CHDH: variants seen among roughly 807,000 people sequenced by gnomAD.
The protein encoded by CHDH is choline dehydrogenase.
Under a neutral mutation model 56.9 loss-of-function variants are expected in CHDH, and 43 were observed. The ratio of observed to expected loss-of-function variants is 0.76; its 90% CI spans 0.59 to 0.97. The LOEUF (loss-of-function observed/expected upper bound fraction) is 0.97. Among genes scored for constraint, CHDH ranks in the 50% least tolerant of loss-of-function variants. The pLI is 0.00. For missense variants in CHDH, 816 were observed against 821.1 expected (o/e 0.99, Z 0.08); for synonymous variants, 364 against 348.5 (o/e 1.04, Z -0.50).
intron 2 of CHDH, among the ~76,000 whole-genome samples, chr3:53,837,724 C>T (rs908797768): frequency 8.5e-5 from 13 of 152,088 alleles, no homozygotes; most frequent in Admixed American, 6.6e-4. Context: ...TCACCACTTT[C>T]TAAAACCTTC....
In CHDH at chr3:53,817,789, G is replaced by A. The variant is rs1446504313; in HGVS notation, c.1773C>T (p.Ala591=). 7 of 1,603,124 alleles carry A rather than the reference G, an allele frequency of 4.4e-6. No homozygotes were observed. In the East Asian group the frequency reaches 1.3e-4, roughly 31 times the overall value. The change falls in exon 9 of 9, where the codon GCC becomes GCT. Residue 591 remains alanine, a synonymous_variant. Coordinates refer to ENST00000315251, the MANE Select transcript of CHDH (RefSeq NM_018397.5). ...AGCAGCAACTGTCTTAGCGCTGGGT[G>A]GCCAGCGTCCTGGGCTTGTAGACAG... ...DVPVYKPRTL[A]TQR
In CHDH at chr3:53,830,099, A is replaced by T. The variant is rs574691698; in HGVS notation, c.-59-6032T>A. Among the ~76,000 whole-genome samples, 8 of 152,338 alleles carry T rather than the reference A, an allele frequency of 5.3e-5. No individual in the cohort carries two copies. The East Asian group carries it at 1.5e-3, about 29-fold the overall frequency. On this transcript the variant is annotated intron_variant, in intron 2 of 8. Transcript: ENST00000315251. Reference sequence around the variant, plus strand: ...ACAGAAGTTAAAGATGACCTAAATAAATACTACGAATAGGAAGACCCAATA... The same window carrying T: ...ACAGAAGTTAAAGATGACCTAAATATATACTACGAATAGGAAGACCCAATA...
At chr3:53,820,795 G>A (rs1329935041) in intron 5 of CHDH, among the ~76,000 whole-genome samples, 187 bp from the exon 6 acceptor site, 2 of 152,236 alleles carry the variant, frequency 1.3e-5, no homozygotes, top group African/African-American at 4.8e-5. Context: ...GGCCAAGTCT[G>A]GCCTGCCTCG....
Position 53,823,703 on chromosome 3 carries a change from C to T in CHDH, c.306G>A (p.Arg102=), listed in dbSNP as rs1355514305. ...CCTCTGTGTGGTAGCACCAGTTGTA[C>T]CTGTCGTCGCACAGGTTGGCCACCA... ...AALVANLCDD[R]YNWCYHTEVQ... Residue 102 remains arginine, a synonymous_variant, in exon 3 of 9, where the codon AGG becomes AGA. Transcript: ENST00000315251. 1 of 1,550,178 alleles carries T rather than the reference C, an allele frequency of 6.5e-7. No individual in the cohort carries two copies. The highest frequency in any genetic ancestry group is 8.7e-7 in the Non-Finnish European group (1 of 1,147,826).
rs1265292044 is a variant in CHDH, at chr3:53,841,006, G to C, written c.-130-7C>G. ...ACACACTCTTTGTGATTGTCTGAGA[G>C]AGATAAGTACAGAATCAAAAGTCAG... is the stretch of plus-strand genomic sequence containing the variant. On this transcript the variant is annotated splice_region_variant and splice_polypyrimidine_tract_variant and intron_variant, in intron 1 of 8. Transcript: ENST00000315251. The C allele has an allele frequency of 6.6e-6, 1 of 152,054 alleles. No homozygotes were observed. The highest frequency in any genetic ancestry group is 1.5e-5 in the Non-Finnish European group (1 of 68,004). The allele number at this position is 152,054 out of a possible 1,614,324, so 9.4% of individuals were successfully genotyped here.
Position 53,819,532 on chromosome 3 carries a change from C to T in CHDH, c.1263G>A (p.Gln421=). 1 of 1,605,970 alleles carries T rather than the reference C, an allele frequency of 6.2e-7. No individual in the cohort carries two copies. Among genetic ancestry groups the T allele is most frequent in the East Asian group, 2.2e-5 (1 of 44,528 alleles). The part of the protein sequence containing the change: ...GRVPTQQEAY[Q]VHVGPMRGTS... ...AGCCGAGGCTCTTCCACCTGCTCAC[C>T]TGGTAAGCCTCCTGCTGGGTGGGGA... The change falls in exon 7 of 9, where the codon CAG becomes CAA. Residue 421 remains glutamine, a splice_region_variant and synonymous_variant. Coordinates refer to ENST00000315251, the MANE Select transcript of CHDH (RefSeq NM_018397.5). The surrounding 1 kb of genome is among the most constrained non-coding windows in gnomAD (Gnocchi z 5.4).
At chr3:53,839,945 A>G (rs748395555) in intron 2 of CHDH, among the ~76,000 whole-genome samples, 6 of 152,232 alleles carry the variant, frequency 3.9e-5, no homozygotes, top group Non-Finnish European at 7.3e-5. Context: ...CGTTATGTTA[A>G]GTGAAATAAG....
rs2095618242 is a variant in CHDH, at chr3:53,817,703, C to G, written c.*74G>C. ...GTGCTAGATAGTTTCAGGCAGGAGCCTGGGAGCAAGGGCTGTGCTGGCCCT... is the reference window on the plus strand; with the variant it reads ...GTGCTAGATAGTTTCAGGCAGGAGCGTGGGAGCAAGGGCTGTGCTGGCCCT... On this transcript the variant is annotated 3_prime_UTR_variant, in exon 9 of 9. Coordinates refer to ENST00000315251, the MANE Select transcript of CHDH (RefSeq NM_018397.5). 7.5e-7 allele frequency: 1 copy of G among 1,339,912 alleles called. No individual in the cohort carries two copies. The highest frequency in any genetic ancestry group is 1.0e-6 in the Non-Finnish European group (1 of 985,738). 83.0% of individuals were successfully genotyped at this position (1,339,912 alleles called of 1,614,324 possible).
At chr3:53,834,995 A>G (rs1698453309) in intron 2 of CHDH, among the ~76,000 whole-genome samples, 1 of 152,228 alleles carries the variant, frequency 6.6e-6, no homozygotes, top group Admixed American at 6.5e-5. Context: ...CCAATGATAA[A>G]TAATGATTCC....
At chr3:53,845,127 T>C (rs1368591734) in intron 1 of CHDH, among the ~76,000 whole-genome samples, 1 of 152,184 alleles carries the variant, frequency 6.6e-6, no homozygotes, top group African/African-American at 2.4e-5. Context: ...GGGCTCAGGG[T>C]GGCCCAGTCC....
chr3:53,821,180 C>T (rs1015012924), intron 5 of CHDH, among the ~76,000 whole-genome samples: 2 of 152,248 alleles, frequency 1.3e-5, no homozygotes, highest in African/African-American at 4.8e-5. Context: ...GAGACAGAGC[C>T]CGACCCTCAA....
chr3:53,832,446 G>A (rs1415792671), intron 2 of CHDH, among the ~76,000 whole-genome samples: 1 of 152,010 alleles, frequency 6.6e-6, no homozygotes, highest in East Asian at 1.9e-4. Context: ...GCAGGAGAAT[G>A]GTGTGAACCC....
intron 2 of CHDH, among the ~76,000 whole-genome samples, chr3:53,830,251 C>T (rs1011895929): frequency 6.6e-6 from 1 of 150,976 alleles, no homozygotes; most frequent in South Asian, 2.1e-4. Context: ...ATATAAAGGA[C>T]ATAGAAAAAG....
chr3:53,830,106 C>T (rs868573283), intron 2 of CHDH, among the ~76,000 whole-genome samples: 14 of 151,748 alleles, frequency 9.2e-5, no homozygotes, highest in Non-Finnish European at 1.6e-4. Context: ...ATAAATACTA[C>T]GAATAGGAAG....
chr3:53,846,331 C>G lies in CHDH; in HGVS notation c.-379G>C. ...TGATGCACCTGGCTCACTGCATGCA[C>G]GTGTGCGCGGGGGTAGGCGCGCGCC... is the stretch of plus-strand genomic sequence containing the variant. On this transcript the variant is annotated 5_prime_UTR_variant, in exon 1 of 9. Coordinates refer to ENST00000315251, the MANE Select transcript of CHDH (RefSeq NM_018397.5). The G allele has an allele frequency of 2.3e-6, 1 of 442,644 alleles. No individual in the cohort carries two copies. Among genetic ancestry groups the G allele is most frequent in the Middle Eastern group, 5.8e-4 (1 of 1,718 alleles). The allele number at this position is 442,644 out of a possible 1,614,324, so 27.4% of individuals were successfully genotyped here.
At chr3:53,845,628 G>A (rs924970952) in intron 1 of CHDH, among the ~76,000 whole-genome samples, 1 of 152,200 alleles carries the variant, frequency 6.6e-6, no homozygotes, top group African/African-American at 2.4e-5. Context: ...ACGGGGGCGT[G>A]GGTGGAGGCT....
intron 2 of CHDH, among the ~76,000 whole-genome samples, chr3:53,826,844 C>G (rs1019051659): frequency 6.6e-6 from 1 of 152,110 alleles, no homozygotes; most frequent in African/African-American, 2.4e-5. Context: ...TATAGAAAAT[C>G]TAAAAGAATC....
At position 53,817,264 on chromosome 3, in the gene CHDH, C is replaced by T. The variant is rs988714456; in HGVS notation, c.*513G>A. The stretch of plus-strand genomic sequence containing the variant: ...CAACCAGCAGGCAACTTTCCCCTCT[C>T]AACAGGGACACTGGGGACTTATGTG... On this transcript the variant is annotated 3_prime_UTR_variant, in exon 9 of 9. Coordinates refer to ENST00000315251, the MANE Select transcript of CHDH (RefSeq NM_018397.5). The T allele has an allele frequency of 6.5e-6, 1 of 153,880 alleles. No individual in the cohort carries two copies. The highest frequency in any genetic ancestry group is 1.4e-5 in the Non-Finnish European group (1 of 69,858). 9.5% of individuals were successfully genotyped at this position (153,880 alleles called of 1,614,324 possible).
At chr3:53,837,819 AG>A (rs1279184352) in intron 2 of CHDH, among the ~76,000 whole-genome samples, 1 of 152,060 alleles carries the variant, frequency 6.6e-6, no homozygotes, top group African/African-American at 2.4e-5. Flanking sequence ...GCACTTTGGG[AG>A]GCTGAGGTGG....
Sources: gnomAD v4.1 joint callset for allele counts (sites outside exome capture counted in the v4.1 genomes callset) on GRCh38, gnomAD v4.1.1 for gene constraint, Gnocchi (gnomAD v3.1) non-coding constraint, MANE v1.5 for transcripts, NCBI Gene and HGNC (gene_info 2026-07-23, HGNC 2026-07-21) for gene names.